SLCO2B1: variants seen among roughly 807,000 people sequenced by gnomAD.
SLCO2B1 encodes solute carrier organic anion transporter family member 2B1.
SLCO2B1 carries 41 observed loss-of-function variants against 67.3 expected under a neutral mutation model. The ratio of observed to expected loss-of-function variants is 0.61; its 90% CI spans 0.47 to 0.79. The LOEUF is 0.79. Ranked by LOEUF, SLCO2B1 falls within the 30% of genes least tolerant of loss-of-function variation. SLCO2B1 has a pLI of 0.00. For synonymous variants in SLCO2B1, 379 were observed against 381.4 expected (o/e 0.99, Z 0.07); for missense variants, 837 against 920.1 (o/e 0.91, Z 1.17).
chr11:75,173,017 G>A (rs1408349974), intron 7 of SLCO2B1, among the ~76,000 whole-genome samples: 1 of 152,088 alleles, frequency 6.6e-6, no homozygotes, highest in Non-Finnish European at 1.5e-5. Context: ...CTTGCACAGT[G>A]AATATCACCT....
At chr11:75,160,236 G>A (rs1315880930) in intron 1 of SLCO2B1, among the ~76,000 whole-genome samples, 1 of 152,212 alleles carries the variant, frequency 6.6e-6, no homozygotes, top group Non-Finnish European at 1.5e-5. Context: ...GTTTGGGTGG[G>A]CCAAGACAGA....
At chr11:75,165,379 C>A (rs1338243731) in intron 3 of SLCO2B1, among the ~76,000 whole-genome samples, 1 of 150,832 alleles carries the variant, frequency 6.6e-6, no homozygotes, top group Non-Finnish European at 1.5e-5. Flanking sequence ...TTGCAGTGAG[C>A]TGAGATCACA....
intron 7 of SLCO2B1, among the ~76,000 whole-genome samples, chr11:75,172,983 G>A (rs1949983348): frequency 6.6e-6 from 1 of 151,990 alleles, no homozygotes; most frequent in South Asian, 2.1e-4. Flanking sequence ...TTCTGCCTGG[G>A]CTCCATCACA....
At chr11:75,196,768 G>A in intron 10 of SLCO2B1, 89 bp downstream of exon 10, 7 of 1,193,984 alleles carry the variant, frequency 5.9e-6, no homozygotes, top group Non-Finnish European at 8.3e-6. Flanking sequence ...ACTTCTGCAT[G>A]CTCTCACTCT....
In SLCO2B1 at chr11:75,164,015, G is replaced by T; in HGVS notation, c.200G>T (p.Gly67Val). Residue 67 changes from glycine (G) to valine (V), a missense_variant, in exon 3 of 14, where the codon GGC becomes GTC. Transcript: ENST00000289575. ...LLQLAQLMIS[G>V]YLKSSISTVE... Reference sequence around the variant, plus strand: ...CAGCTGGCGCAGCTCATGATCTCCGGCTACCTAAAGAGCTCCATCTCCACA... The same window carrying T: ...CAGCTGGCGCAGCTCATGATCTCCGTCTACCTAAAGAGCTCCATCTCCACA... 1.9e-6 allele frequency: 3 copies of T among 1,606,124 alleles called. No homozygotes were observed. The highest frequency in any genetic ancestry group is 2.5e-6 in the Non-Finnish European group (3 of 1,176,534).
intron 1 of SLCO2B1, chr11:75,151,732 G>A: frequency 2.5e-6 from 1 of 398,128 alleles, no homozygotes. Context: ...GATAGAGACA[G>A]ACAGAGCAGA....
intron 10 of SLCO2B1, among the ~76,000 whole-genome samples, chr11:75,197,131 A>G (rs906555177): frequency 6.6e-6 from 1 of 152,146 alleles, no homozygotes; most frequent in Non-Finnish European, 1.5e-5. Context: ...AATAAAAATA[A>G]AGCTTTCATT....
chr11:75,152,392 C>T (rs1949702883), intron 1 of SLCO2B1: 1 of 152,356 alleles, frequency 6.6e-6, no homozygotes, highest in South Asian at 2.1e-4. Flanking sequence ...TGGAGACAGA[C>T]CCAGCTGAGG....
chr11:75,182,374 T>A (rs1950101591), intron 7 of SLCO2B1, among the ~76,000 whole-genome samples: 1 of 152,226 alleles, frequency 6.6e-6, no homozygotes. Context: ...CAGTTTCCTC[T>A]TCTGTAAAAT....
chr11:75,198,633 A>C (rs908280905), intron 10 of SLCO2B1, among the ~76,000 whole-genome samples: 4 of 152,178 alleles, frequency 2.6e-5, no homozygotes, highest in African/African-American at 2.4e-5. Context: ...GCTTGGATTT[A>C]GGTGCAGTAT....
intron 11 of SLCO2B1, chr11:75,202,691 G>A: frequency 1.7e-6 from 1 of 597,794 alleles, no homozygotes; most frequent in South Asian, 2.0e-5. Flanking sequence ...TGGTCAGTGG[G>A]TGTGTTGTCT....
Position 75,204,613 on chromosome 11 carries a change from C to T in SLCO2B1, c.*33C>T. On this transcript the variant is annotated 3_prime_UTR_variant, in exon 14 of 14. Coordinates refer to ENST00000289575, the MANE Select transcript of SLCO2B1 (RefSeq NM_007256.5). Reference sequence around the variant, plus strand: ...TGGGGCCCCACCTGGCCAAGAGTAGCAGCCACAGCAGTACCTCCTCTGAGT... The same window carrying T: ...TGGGGCCCCACCTGGCCAAGAGTAGTAGCCACAGCAGTACCTCCTCTGAGT... The T allele has an allele frequency of 6.4e-7, 1 of 1,568,326 alleles. No homozygotes were observed. The highest frequency in any genetic ancestry group is 8.6e-7 in the Non-Finnish European group (1 of 1,157,404).
At chr11:75,186,421 C>A (rs1276086236) in intron 7 of SLCO2B1, among the ~76,000 whole-genome samples, 1 of 152,078 alleles carries the variant, frequency 6.6e-6, no homozygotes, top group Non-Finnish European at 1.5e-5. Context: ...GTTGGCCAGG[C>A]TGGTCTTGAA....
At chr11:75,200,119 G>A (rs1260454170) in intron 10 of SLCO2B1, 105 bp from the exon 11 acceptor site, 1 of 1,225,748 alleles carries the variant, frequency 8.2e-7, no homozygotes, top group African/African-American at 1.5e-5. Flanking sequence ...TACCCCAACT[G>A]GCTGTGGAAC....
intron 1 of SLCO2B1, among the ~76,000 whole-genome samples, chr11:75,159,544 C>T (rs919236898): frequency 9.9e-5 from 15 of 152,202 alleles, no homozygotes; most frequent in African/African-American, 3.4e-4. Context: ...CTGGACCATC[C>T]TTCCAAGGGG....
At chr11:75,161,043 T>C (rs1949813837) in intron 1 of SLCO2B1, among the ~76,000 whole-genome samples, 2 of 152,230 alleles carry the variant, frequency 1.3e-5, no homozygotes, top group African/African-American at 4.8e-5. Flanking sequence ...CATAGCATTA[T>C]TGTATATGAA....
chr11:75,195,510 G>A (rs536583669), intron 9 of SLCO2B1, among the ~76,000 whole-genome samples: 2 of 151,530 alleles, frequency 1.3e-5, no homozygotes, highest in African/African-American at 4.8e-5. Context: ...AGGGAGAGGA[G>A]CTCACTTTGC....
chr11:75,151,438 C>A (rs1350233264), intron 1 of SLCO2B1, 41 bp downstream of exon 1: 17 of 1,610,022 alleles, frequency 1.1e-5, no homozygotes, highest in Non-Finnish European at 1.4e-5. Flanking sequence ...GGAGAGCAAG[C>A]CTGGGGGACA....
In SLCO2B1 at chr11:75,196,644, A is replaced by C. The variant is rs1041554804; in HGVS notation, c.1564A>C (p.Ser522Arg). 1.2e-6 allele frequency: 2 copies of C among 1,613,782 alleles called. No individual in the cohort carries two copies. The highest frequency in any genetic ancestry group is 1.7e-6 in the Non-Finnish European group (2 of 1,179,982). The part of the protein sequence containing the change: ...YITPCHAGCS[S>R]WVVQDALDNS... The stretch of plus-strand genomic sequence containing the variant: ...CACACCCTGCCACGCAGGCTGCTCA[A>C]GCTGGGTGGTCCAGGATGCTCTGGA... The change falls in exon 10 of 14, where the codon AGC (serine) becomes CGC (arginine). Residue 522 changes from serine (S) to arginine (R), a missense_variant. Transcript: ENST00000289575.
Sources: gnomAD v4.1 joint callset for allele counts (sites outside exome capture counted in the v4.1 genomes callset) on GRCh38, gnomAD v4.1.1 for gene constraint, MANE v1.5 for transcripts, NCBI Gene and HGNC (gene_info 2026-07-23, HGNC 2026-07-21) for gene names.